Variants in STPG2 observed in about 807,000 individuals in gnomAD.
STPG2 encodes the protein sperm tail PG-rich repeat containing 2.
Under a neutral mutation model 54.2 loss-of-function variants are expected in STPG2, and 56 were observed. That is an observed-to-expected ratio of 1.03 (90% CI 0.83 to 1.29). The LOEUF is 1.29. Ranked by LOEUF, STPG2 falls within the 50% of genes most tolerant of loss-of-function variation. The pLI is 0.00. For missense variants in STPG2, 596 were observed against 544.9 expected (o/e 1.09, Z -0.93); for synonymous variants, 200 against 181.8 (o/e 1.10, Z -0.81).
chr4:97,762,046 C>A (rs888829624), intron 9 of STPG2, among the ~76,000 whole-genome samples: 3 of 152,098 alleles, frequency 2.0e-5, no homozygotes, highest in Non-Finnish European at 4.4e-5. Flanking sequence ...AGCTCAGTGT[C>A]CTTGAGTTTT....
intron 4 of STPG2, among the ~76,000 whole-genome samples, chr4:97,506,914 C>T (rs1231823289): frequency 6.6e-6 from 1 of 151,944 alleles, no homozygotes; most frequent in Non-Finnish European, 1.5e-5. Context: ...AATGTAAATA[C>T]AAATATATCA....
intron 10 of STPG2, among the ~76,000 whole-genome samples, chr4:97,668,475 G>GT (rs1722591230): frequency 6.6e-6 from 1 of 152,112 alleles, no homozygotes; most frequent in Non-Finnish European, 1.5e-5. Context: ...GGAGAAATCT[G>GT]TAACAGAATG....
At chr4:97,459,614 T>A (rs372649130) in intron 4 of STPG2, among the ~76,000 whole-genome samples, 4 of 151,980 alleles carry the variant, frequency 2.6e-5, no homozygotes, top group African/African-American at 4.8e-5. Context: ...TAATTTTTGT[T>A]GTATTTTTAG....
intron 10 of STPG2, among the ~76,000 whole-genome samples, chr4:97,623,022 G>A (rs973482590): frequency 6.6e-6 from 1 of 152,036 alleles, no homozygotes; most frequent in Non-Finnish European, 1.5e-5. Context: ...ATAGAGAAAG[G>A]ACTCCGTATT....
chr4:98,140,129 T>C lies in STPG2; in HGVS notation c.109+2913A>G, dbSNP rs141477897. ...TGAATCTCAAAGAATAAATACAAATTAGCCAAGTGAAGAAAGAAAACAGTG... is the reference window on the plus strand; with the variant it reads ...TGAATCTCAAAGAATAAATACAAATCAGCCAAGTGAAGAAAGAAAACAGTG... On this transcript the variant is annotated intron_variant, in intron 1 of 10. Transcript: ENST00000295268. 2.4e-4 allele frequency among the ~76,000 whole-genome samples: 37 copies of C among 152,166 alleles called. No individual in the cohort carries two copies. The East Asian group carries it at 6.9e-3, about 29-fold the overall frequency.
chr4:97,656,437 C>T (rs909303360), intron 10 of STPG2, among the ~76,000 whole-genome samples: 2 of 151,944 alleles, frequency 1.3e-5, no homozygotes, highest in South Asian at 2.1e-4. Flanking sequence ...AGAGAAAAGA[C>T]ATATTAATTC....
intron 1 of STPG2, among the ~76,000 whole-genome samples, chr4:98,140,763 A>G (rs1023995811): frequency 6.6e-6 from 1 of 152,212 alleles, no homozygotes; most frequent in Non-Finnish European, 1.5e-5. Flanking sequence ...CTAGGTAGAG[A>G]TGTTCAAAAA....
Position 98,059,040 on chromosome 4 carries a change from A to G in STPG2, c.612+46913T>C, listed in dbSNP as rs549757629. Among the ~76,000 whole-genome samples, 26 of 152,080 alleles carry G rather than the reference A, an allele frequency of 1.7e-4. No homozygotes were observed. The South Asian group carries it at 2.3e-3, about 13-fold the overall frequency. On this transcript the variant is annotated intron_variant, in intron 5 of 10. Coordinates refer to ENST00000295268, the MANE Select transcript of STPG2 (RefSeq NM_174952.3). ...CAAGACATGAAAACCCATTCAAAAG[A>G]TTAATAAAACCAGGGCTTGTTTTTT...
intron 9 of STPG2, among the ~76,000 whole-genome samples, chr4:97,714,468 C>T (rs1159790809): frequency 6.6e-6 from 1 of 151,962 alleles, no homozygotes; most frequent in Non-Finnish European, 1.5e-5. Context: ...GGCTCTAGCC[C>T]AGTCATTTTT....
intron 9 of STPG2, among the ~76,000 whole-genome samples, chr4:97,795,118 T>A (rs979321055): frequency 6.6e-6 from 1 of 152,228 alleles, no homozygotes; most frequent in African/African-American, 2.4e-5. Context: ...TCTGAATTTC[T>A]ATGATTATAT....
intron 10 of STPG2, among the ~76,000 whole-genome samples, chr4:97,619,916 C>CG (rs1733969284): frequency 6.6e-6 from 1 of 151,682 alleles, no homozygotes; most frequent in African/African-American, 2.4e-5. Flanking sequence ...CTCCACCTCC[C>CG]GGGTTCACGC....
chr4:98,105,625 C>A (rs28455824), intron 5 of STPG2, among the ~76,000 whole-genome samples: 11,480 of 152,000 alleles, frequency 0.076, 485 homozygotes, highest in African/African-American at 0.1. Context: ...CAGAAAAAAA[C>A]CAGCAGTAAA....
intron 9 of STPG2, among the ~76,000 whole-genome samples, chr4:97,781,143 G>A (rs1353790195): frequency 6.6e-6 from 1 of 152,064 alleles, no homozygotes; most frequent in Non-Finnish European, 1.5e-5. Context: ...ATGAATCCAG[G>A]AGCTGGTCTT....
At chr4:97,904,811 C>A (rs976085347) in intron 8 of STPG2, among the ~76,000 whole-genome samples, 18 of 152,146 alleles carry the variant, frequency 1.2e-4, no homozygotes, top group Non-Finnish European at 2.4e-4. Context: ...GTGAAGAATG[C>A]AGAAGGCTCA....
At chr4:97,657,548 G>T (rs1037887828) in intron 10 of STPG2, among the ~76,000 whole-genome samples, 5 of 152,140 alleles carry the variant, frequency 3.3e-5, no homozygotes, top group African/African-American at 4.8e-5. Context: ...CCACACAGGG[G>T]TGGGCCTGAA....
chr4:98,031,732 A>C lies in STPG2; in HGVS notation c.613-50414T>G, dbSNP rs1388261631. On this transcript the variant is annotated intron_variant, in intron 5 of 10. Transcript: ENST00000295268. ...AAAGTAAATAACTGGGACTTGAACT[A>C]AAGAGCTTTTGTGTGGCAAAAGGAA... Among the ~76,000 whole-genome samples the C allele has an allele frequency of 3.3e-5, 5 of 152,280 alleles. No homozygotes were observed. In the East Asian group the frequency reaches 7.7e-4, roughly 24 times the overall value.
chr4:97,687,004 G>A (rs879276052), intron 10 of STPG2, among the ~76,000 whole-genome samples: 2 of 150,728 alleles, frequency 1.3e-5, no homozygotes, highest in African/African-American at 4.9e-5. Flanking sequence ...GCAGTGGCGC[G>A]ATCTGGGCTC....
intron 5 of STPG2, among the ~76,000 whole-genome samples, chr4:98,020,626 C>T (rs1736148285): frequency 6.6e-6 from 1 of 152,100 alleles, no homozygotes; most frequent in Admixed American, 6.5e-5. Flanking sequence ...TGGTAGAACT[C>T]GGCTGTGAAT....
intron 5 of STPG2, among the ~76,000 whole-genome samples, chr4:98,082,258 C>T (rs1254257122): frequency 6.6e-6 from 1 of 151,914 alleles, no homozygotes; most frequent in Non-Finnish European, 1.5e-5. Flanking sequence ...AGTCCTACCC[C>T]ACTTTATAAC....
Sources: gnomAD v4.1 joint callset for allele counts (sites outside exome capture counted in the v4.1 genomes callset) on GRCh38, gnomAD v4.1.1 for gene constraint, MANE v1.5 for transcripts, NCBI Gene and HGNC (gene_info 2026-07-23, HGNC 2026-07-21) for gene names.